Variants in OASL observed in about 807,000 individuals in gnomAD.
The protein encoded by OASL is 2'-5'-oligoadenylate synthetase like.
Under a neutral mutation model 35.3 loss-of-function variants are expected in OASL, and 28 were observed. That is an observed-to-expected ratio of 0.79 (90% CI 0.59 to 1.09). The LOEUF (loss-of-function observed/expected upper bound fraction) is 1.09, where lower values mean the gene tolerates loss of function less well. Among genes scored for constraint, OASL ranks in the 50% least tolerant of loss-of-function variants. The pLI is 0.00. For missense variants in OASL, 620 were observed against 635.2 expected, an observed-to-expected ratio of 0.98 and a Z score of 0.26; for synonymous variants, 252 against 254.6, an observed-to-expected ratio of 0.99 and a Z score of 0.10.
intron 1 of OASL, among the ~76,000 whole-genome samples, chr12:121,035,001 C>T (rs1447639551): frequency 6.6e-6 from 1 of 151,680 alleles, no homozygotes; most frequent in Non-Finnish European, 1.5e-5. Context: ...CCACAACTCT[C>T]TGGCCTCCTC....
chr12:121,033,711 C>G, exon 2 of OASL: 1 of 1,613,846 alleles, frequency 6.2e-7, no homozygotes, highest in African/African-American at 1.3e-5. Flanking sequence ...CTCTGGTGCT[C>G]CTGAGAACCG....
chr12:121,034,621 A>G (rs1869878807), intron 1 of OASL, among the ~76,000 whole-genome samples: 1 of 152,086 alleles, frequency 6.6e-6, no homozygotes, highest in Non-Finnish European at 1.5e-5. Context: ...TGGATTTAAG[A>G]GCCATAGGCT....
At chr12:121,031,824 A>G (rs981254378) in intron 2 of OASL, among the ~76,000 whole-genome samples, 4 of 152,148 alleles carry the variant, frequency 2.6e-5, no homozygotes, top group Non-Finnish European at 4.4e-5. Context: ...TGGGCTTTCC[A>G]TGCATCAGAC....
chr12:121,021,154 G>T, intron 5 of OASL, 96 bp from the exon 6 acceptor site: 1 of 1,282,654 alleles, frequency 7.8e-7, no homozygotes, highest in Non-Finnish European at 1.0e-6. Flanking sequence ...TACAATAGTA[G>T]CAGCAGCAGC....
chr12:121,033,685 G>T (rs866108869), exon 2 of OASL: 1 of 1,614,028 alleles, frequency 6.2e-7, no homozygotes, highest in Non-Finnish European at 8.5e-7. Context: ...GCTCAGAAAC[G>T]CCACCAGCTC....
At chr12:121,033,543 G>A (rs760031887) in exon 2 of OASL, 37 of 1,613,940 alleles carry the variant, frequency 2.3e-5, no homozygotes, top group Admixed American at 6.7e-5. Flanking sequence ...CGAGAGCATC[G>A]GGGACTCTCT....
At chr12:121,024,264 C>G (rs1411426262) in intron 4 of OASL, 127 bp from the exon 5 acceptor site, 2 of 977,590 alleles carry the variant, frequency 2.0e-6, no homozygotes, top group Non-Finnish European at 3.0e-6. Flanking sequence ...CGGGGATGTT[C>G]AAGAGGGCCC....
At chr12:121,036,643 G>T (rs749688318) in intron 1 of OASL, among the ~76,000 whole-genome samples, 10 of 152,024 alleles carry the variant, frequency 6.6e-5, no homozygotes, top group Non-Finnish European at 8.8e-5. Flanking sequence ...GATTAGCCAG[G>T]CGTGGTGGAA....
chr12:121,030,946 A>G (rs1869703158), intron 3 of OASL, among the ~76,000 whole-genome samples: 1 of 151,896 alleles, frequency 6.6e-6, no homozygotes. Flanking sequence ...CAGGCTGGTC[A>G]ACATAGTGAG....
exon 3 of OASL, chr12:121,031,525 T>C: frequency 6.2e-7 from 1 of 1,614,124 alleles, no homozygotes; most frequent in Non-Finnish European, 8.5e-7. Flanking sequence ...TGCAGCTCGC[T>C]GAAGGATGGG....
At chr12:121,038,674 G>A in intron 1 of OASL, 100 bp downstream of exon 1, 2 of 1,125,118 alleles carry the variant, frequency 1.8e-6, no homozygotes, top group Non-Finnish European at 1.3e-6. Flanking sequence ...CATCAGCATG[G>A]GCTAGGGATA....
downstream of OASL, among the ~76,000 whole-genome samples, chr12:121,017,848 A>G (rs541312789): frequency 1.3e-5 from 2 of 152,342 alleles, no homozygotes; most frequent in East Asian, 3.9e-4. Flanking sequence ...ACATTAAAAG[A>G]GGTTGTGGCA....
intron 5 of OASL, 54 bp downstream of exon 5, chr12:121,023,936 T>C (rs1869365419): frequency 6.2e-7 from 1 of 1,602,752 alleles, no homozygotes; most frequent in Non-Finnish European, 8.5e-7. Context: ...TACTGAGTAG[T>C]TTATCTGTCG....
exon 1 of OASL, chr12:121,039,062 T>G: frequency 2.8e-6 from 3 of 1,055,742 alleles, no homozygotes; most frequent in South Asian, 1.4e-5. Context: ...AGGTAGCTCC[T>G]CCTCAGCTGC....
intron 1 of OASL, among the ~76,000 whole-genome samples, chr12:121,035,322 C>T (rs757807704): frequency 3.9e-5 from 6 of 151,982 alleles, no homozygotes; most frequent in Non-Finnish European, 7.4e-5. Context: ...GTCAGGAGTT[C>T]GAGATCAGCC....
intron 2 of OASL, among the ~76,000 whole-genome samples, chr12:121,032,671 G>A (rs555215345): frequency 5.9e-5 from 9 of 152,028 alleles, no homozygotes; most frequent in African/African-American, 9.7e-5. Flanking sequence ...CTTCCCTACC[G>A]GTGTTTCCTG....
chr12:121,026,590 G>A (rs903578933), intron 4 of OASL, among the ~76,000 whole-genome samples: 3 of 152,174 alleles, frequency 2.0e-5, no homozygotes, highest in African/African-American at 4.8e-5. Context: ...GGTGGCTCAC[G>A]CCTGTAAGCC....
intron 3 of OASL, among the ~76,000 whole-genome samples, chr12:121,028,893 C>T (rs767701756): frequency 2.0e-5 from 3 of 151,520 alleles, no homozygotes; most frequent in Admixed American, 1.3e-4. Context: ...GGTGAAACCC[C>T]GTCTCTACTA....
chr12:121,023,972 C>A lies in OASL; in HGVS notation c.1047+18G>T. 1 of 1,613,716 alleles carries A rather than the reference C, an allele frequency of 6.2e-7. No individual in the cohort carries two copies. The highest frequency in any genetic ancestry group is 8.5e-7 in the Non-Finnish European group (1 of 1,179,726). ...TTCTGACCTTCAAGCCCTTGACAGC[C>A]CAGAGAGGAGCCATTACCTTCACGT... On this transcript the variant is annotated intron_variant, in intron 5 of 5. Transcript: ENST00000257570.
Sources: allele counts gnomAD v4.1 joint callset (sites outside exome capture counted in the v4.1 genomes callset), GRCh38; gene constraint gnomAD v4.1.1; transcripts MANE v1.5; gene names NCBI Gene and HGNC (gene_info 2026-07-23, HGNC 2026-07-21).